MYO3A: variants seen among roughly 807,000 people sequenced by gnomAD.
The protein encoded by MYO3A is myosin IIIA, also known as myosin-IIIa.
MYO3A carries 180 observed loss-of-function variants against 192.7 expected under a neutral mutation model. The observed-to-expected ratio is 0.93, with a 90% confidence interval of 0.83 to 1.06. The LOEUF (loss-of-function observed/expected upper bound fraction) is 1.06, where lower values mean the gene tolerates loss of function less well. Among genes scored for constraint, MYO3A ranks in the 50% least tolerant of loss-of-function variants. The probability of loss-of-function intolerance (pLI) is 0.00; values close to 1 mark genes in which losing one functional copy is unlikely to be tolerated. For missense variants in MYO3A, 1,896 were observed against 1,905.0 expected, an observed-to-expected ratio of 1.00 and a Z score of 0.09; for synonymous variants, 628 against 645.3, an observed-to-expected ratio of 0.97 and a Z score of 0.41.
intron 31 of MYO3A, among the ~76,000 whole-genome samples, chr10:26,178,570 A>G (rs2000253): frequency 0.71 from 105,840 of 149,286 alleles, 37,702 homozygotes; most frequent in Middle Eastern, 0.75. Flanking sequence ...AAAAAAGCAA[A>G]AAGAAGAAAA....
intron 34 of MYO3A, 49 bp downstream of exon 34, chr10:26,203,156 A>G (rs1348981272): frequency 6.4e-7 from 1 of 1,573,040 alleles, no homozygotes; most frequent in East Asian, 2.2e-5. Context: ...TATACTCACA[A>G]TTTCATTTCT....
intron 26 of MYO3A, 68 bp downstream of exon 26, chr10:26,157,583 A>G (rs1039470237): frequency 1.3e-6 from 2 of 1,523,248 alleles, no homozygotes; most frequent in African/African-American, 2.8e-5. Flanking sequence ...GAATTATAAG[A>G]AACATAATAT....
intron 19 of MYO3A, 110 bp from the exon 20 acceptor site, chr10:26,128,281 G>A: frequency 8.9e-7 from 1 of 1,128,202 alleles, no homozygotes; most frequent in South Asian, 1.3e-5. Context: ...CTAAGTGTAT[G>A]TTCTTATAGT....
intron 26 of MYO3A, among the ~76,000 whole-genome samples, chr10:26,164,120 C>T (rs1050796081): frequency 3.4e-5 from 5 of 148,606 alleles, no homozygotes; most frequent in African/African-American, 7.4e-5. Context: ...ATTCTTGGAG[C>T]TGAAGAAGTG....
chr10:26,096,354 C>A (rs754711007), intron 15 of MYO3A, 27 bp from the exon 16 acceptor site: 1 of 1,477,002 alleles, frequency 6.8e-7, no homozygotes, highest in Non-Finnish European at 9.4e-7. Context: ...TTACTAACTA[C>A]CTTACTGTAA....
At chr10:26,204,970 A>G (rs1843844726) in intron 34 of MYO3A, among the ~76,000 whole-genome samples, 1 of 152,202 alleles carries the variant, frequency 6.6e-6, no homozygotes, top group Non-Finnish European at 1.5e-5. Context: ...CTATTGAAAC[A>G]ATTGGAGAAA....
At position 26,205,333 on chromosome 10, in the gene MYO3A, G is replaced by A. The variant is rs148525103; in HGVS notation, c.4730+2226G>A. 6.6e-4 allele frequency among the ~76,000 whole-genome samples: 101 copies of A among 152,106 alleles called. 2 individuals carry two copies. In the East Asian group the frequency reaches 0.016, roughly 24 times the overall value. The stretch of plus-strand genomic sequence containing the variant: ...TTCTATTAACTATAGTCACCATGTT[G>A]TACAATAAATCTCTTGAATTTATTC... On this transcript the variant is annotated intron_variant, in intron 34 of 34. Coordinates refer to ENST00000642920, the MANE Select transcript of MYO3A (RefSeq NM_017433.5).
chr10:25,995,010 G>A (rs12263784), intron 4 of MYO3A, among the ~76,000 whole-genome samples: 4,186 of 152,224 alleles, frequency 0.027, 215 homozygotes, highest in African/African-American at 0.094. Context: ...TTCTCGAGGA[G>A]TATCTTTGTG....
intron 5 of MYO3A, among the ~76,000 whole-genome samples, 198 bp downstream of exon 5, chr10:25,996,792 T>A (rs750868631): frequency 2.0e-5 from 3 of 152,196 alleles, no homozygotes; most frequent in African/African-American, 4.8e-5. Flanking sequence ...ACCAACAGGA[T>A]CCTGAATTCT....
At chr10:25,949,233 T>G (rs1837051069) in intron 2 of MYO3A, among the ~76,000 whole-genome samples, 1 of 152,144 alleles carries the variant, frequency 6.6e-6, no homozygotes, top group Admixed American at 6.5e-5. Flanking sequence ...TGCACATATT[T>G]GTTGTTCAGT....
chr10:26,029,511 A>G (rs941180917), intron 10 of MYO3A, among the ~76,000 whole-genome samples: 3 of 152,196 alleles, frequency 2.0e-5, no homozygotes, highest in African/African-American at 4.8e-5. Flanking sequence ...TAATTTTCTC[A>G]TAGAACTGGG....
intron 4 of MYO3A, among the ~76,000 whole-genome samples, chr10:25,980,954 T>C (rs1234855926): frequency 6.6e-6 from 1 of 152,176 alleles, no homozygotes; most frequent in African/African-American, 2.4e-5. Context: ...CAGTATCGCA[T>C]AGAGTAGATT....
intron 26 of MYO3A, among the ~76,000 whole-genome samples, chr10:26,158,775 T>G (rs1589053419): frequency 6.6e-6 from 1 of 152,078 alleles, no homozygotes; most frequent in Non-Finnish European, 1.5e-5. Context: ...CTATTAAAAT[T>G]TTCAGGTGAA....
chr10:26,161,029 C>T (rs1468453418), intron 26 of MYO3A, among the ~76,000 whole-genome samples: 1 of 152,020 alleles, frequency 6.6e-6, no homozygotes, highest in Non-Finnish European at 1.5e-5. Context: ...TACAGAATAG[C>T]AAATTACTAC....
At chr10:26,125,047 T>G (rs1442474734) in intron 18 of MYO3A, among the ~76,000 whole-genome samples, 1 of 152,194 alleles carries the variant, frequency 6.6e-6, no homozygotes, top group East Asian at 1.9e-4. Flanking sequence ...ATCCAAATTA[T>G]GCCAAATCTA....
At chr10:26,014,385 A>C (rs1242677610) in intron 6 of MYO3A, among the ~76,000 whole-genome samples, 2 of 152,090 alleles carry the variant, frequency 1.3e-5, no homozygotes, top group African/African-American at 4.8e-5. Flanking sequence ...ACTTCATATA[A>C]CTTTCAGAAA....
chr10:26,120,773 ACATTT>A lies in MYO3A; in HGVS notation c.1876_1880del (p.Ile626Ter). 6.2e-7 allele frequency: 1 copy of A among 1,614,130 alleles called. No homozygotes were observed. Among genetic ancestry groups the A allele is most frequent in the Non-Finnish European group, 8.5e-7 (1 of 1,180,004 alleles). On this transcript the variant is annotated frameshift_variant, in exon 18 of 35. Coordinates refer to ENST00000642920, the MANE Select transcript of MYO3A (RefSeq NM_017433.5). LOFTEE classifies it high-confidence loss of function. The stretch of plus-strand genomic sequence containing the variant: ...ACTGAACACCAGATTGACAAGAGCC[ACATTT>A]CTAATCATACAGCCCTGGAGAACTG...
Position 25,997,260 on chromosome 10 carries a change from T to G in MYO3A, c.508+2T>G. The G allele has an allele frequency of 6.2e-7, 1 of 1,601,252 alleles. No homozygotes were observed. Among genetic ancestry groups the G allele is most frequent in the Non-Finnish European group, 8.6e-7 (1 of 1,168,558 alleles). On this transcript the variant is annotated splice_donor_variant, in intron 6 of 34. Coordinates refer to ENST00000642920, the MANE Select transcript of MYO3A (RefSeq NM_017433.5). LOFTEE classifies it high-confidence loss of function. ...GTGGAGTGAAACTAGTAGATTTTGG[T>G]AAGTTTTGTTTAAAATGCATGAGTT...
At chr10:26,177,715 C>T (rs1842402839) in intron 31 of MYO3A, among the ~76,000 whole-genome samples, 1 of 152,250 alleles carries the variant, frequency 6.6e-6, no homozygotes, top group South Asian at 2.1e-4. Flanking sequence ...CCTCCGCAAT[C>T]TCACTGCCCC....
Sources: gnomAD v4.1 joint callset for allele counts (sites outside exome capture counted in the v4.1 genomes callset) on GRCh38, gnomAD v4.1.1 for gene constraint, MANE v1.5 for transcripts, NCBI Gene and HGNC (gene_info 2026-07-23, HGNC 2026-07-21) for gene names.